RORB: variants seen among roughly 807,000 people sequenced by gnomAD.
The protein encoded by RORB is RAR related orphan receptor B, also known as nuclear receptor ROR-beta.
RORB carries 6 observed loss-of-function variants against 59.1 expected under a neutral mutation model. The observed-to-expected ratio is 0.10, with a 90% CI of 0.06 to 0.20. RORB has a LOEUF of 0.20. Among genes scored for constraint, RORB ranks in the 10% least tolerant of loss-of-function variants. RORB has a pLI of 1.00. For missense variants in RORB, 320 were observed against 560.5 expected (o/e 0.57, Z 4.33); for synonymous variants, 215 against 204.5 (o/e 1.05, Z -0.44).
At chr9:74,578,579 C>T (rs1822672339) in intron 1 of RORB, among the ~76,000 whole-genome samples, 1 of 151,998 alleles carries the variant, frequency 6.6e-6, no homozygotes. Context: ...AAAAAGACGA[C>T]CAAGTGATAC....
rs184680409 is a variant in RORB at position 74,626,805 on chromosome 9, G to A, written c.8-3477G>A. Among the ~76,000 whole-genome samples, 5 of 152,350 alleles carry A rather than the reference G, an allele frequency of 3.3e-5. No homozygotes were observed. The East Asian group carries it at 7.7e-4, about 24-fold the overall frequency. On this transcript the variant is annotated intron_variant, in intron 1 of 9. Coordinates refer to ENST00000376896, the MANE Select transcript of RORB (RefSeq NM_006914.4). Reference sequence around the variant, plus strand: ...ATATTGAGAAATGGCAGGCATTGGAGAAATAATGGGATTTGTTGTTCTAAT... The same window carrying A: ...ATATTGAGAAATGGCAGGCATTGGAAAAATAATGGGATTTGTTGTTCTAAT...
In RORB at chr9:74,540,311, G is replaced by C. The variant is rs79989097; in HGVS notation, c.7+42328G>C. Among the ~76,000 whole-genome samples the C allele has an allele frequency of 9.1e-3, 1,384 of 151,942 alleles. 14 individuals carry two copies. Among genetic ancestry groups the C allele is most frequent in the Admixed American group, 0.016 (241 of 15,252 alleles). On this transcript the variant is annotated intron_variant, in intron 1 of 9. Transcript: ENST00000376896. ...CTTATCACTTGTGTTACTTTCTTTT[G>C]CATCCTTCCACGTCATAGCTGTGTA...
intron 1 of RORB, among the ~76,000 whole-genome samples, chr9:74,517,260 AT>A (rs1563926394): frequency 6.6e-6 from 1 of 152,066 alleles, no homozygotes; most frequent in East Asian, 1.9e-4. Context: ...TCATAATTTC[AT>A]TTTTAAGATT....
intron 9 of RORB, among the ~76,000 whole-genome samples, chr9:74,677,993 A>G (rs1824474146): frequency 6.6e-6 from 1 of 152,248 alleles, no homozygotes; most frequent in Admixed American, 6.5e-5. Context: ...TGCCTCACTG[A>G]CTACAATGAA....
Position 74,689,780 on chromosome 9 carries a change from A to G in RORB, c.*4162A>G, listed in dbSNP as rs1195867230. On this transcript the variant is annotated 3_prime_UTR_variant, in exon 10 of 10. Coordinates refer to ENST00000376896, the MANE Select transcript of RORB (RefSeq NM_006914.4). The stretch of plus-strand genomic sequence containing the variant: ...TGCAATGTGTACGAGGCTTGAAGGC[A>G]AAAACAATTCTTGGGTCCCAAGGAC... 2 of 152,218 alleles carry G rather than the reference A, an allele frequency of 1.3e-5. No homozygotes were observed. Among genetic ancestry groups the G allele is most frequent in the Admixed American group, 1.3e-4 (2 of 15,280 alleles). 9.4% of individuals were successfully genotyped at this position (152,218 alleles called of 1,614,324 possible).
intron 1 of RORB, among the ~76,000 whole-genome samples, chr9:74,558,289 G>T (rs762609528): frequency 6.6e-6 from 1 of 152,090 alleles, no homozygotes; most frequent in Non-Finnish European, 1.5e-5. Flanking sequence ...AGTTGAGCTC[G>T]AGCAGGATGG....
At chr9:74,676,869 C>A (rs997198698) in intron 9 of RORB, among the ~76,000 whole-genome samples, 1 of 152,178 alleles carries the variant, frequency 6.6e-6, no homozygotes, top group Non-Finnish European at 1.5e-5. Flanking sequence ...GGTTATGTCA[C>A]GTTAATGAAA....
intron 3 of RORB, among the ~76,000 whole-genome samples, chr9:74,640,855 A>G (rs1284140231): frequency 6.6e-6 from 1 of 152,222 alleles, no homozygotes; most frequent in South Asian, 2.1e-4. Flanking sequence ...TGGGAAAAGA[A>G]AATGAATTTT....
intron 1 of RORB, among the ~76,000 whole-genome samples, chr9:74,600,179 C>T (rs1182869972): frequency 6.6e-6 from 1 of 152,146 alleles, no homozygotes. Flanking sequence ...CAATAAGCTC[C>T]AGACTTGTAA....
At chr9:74,500,508 T>C (rs564957284) in intron 1 of RORB, among the ~76,000 whole-genome samples, 1 of 152,244 alleles carries the variant, frequency 6.6e-6, no homozygotes, top group African/African-American at 2.4e-5. Context: ...ATTTTTGACC[T>C]GGGCTTTACG....
At chr9:74,655,599 T>C (rs1824065955) in intron 4 of RORB, among the ~76,000 whole-genome samples, 25 of 152,174 alleles carry the variant, frequency 1.6e-4, no homozygotes. Flanking sequence ...TATTACCTTT[T>C]CTACTTTTCC....
chr9:74,533,919 C>T (rs1323369), intron 1 of RORB, among the ~76,000 whole-genome samples: 85,192 of 151,726 alleles, frequency 0.56, 24,270 homozygotes, highest in East Asian at 0.83. Context: ...TAAAGAAGGA[C>T]GCTGTACTGT....
At chr9:74,510,105 A>C (rs1433940166) in intron 1 of RORB, among the ~76,000 whole-genome samples, 1 of 152,228 alleles carries the variant, frequency 6.6e-6, no homozygotes, top group Non-Finnish European at 1.5e-5. Flanking sequence ...ACTATAAAAA[A>C]CATAGCTTGA....
At chr9:74,623,786 T>C (rs150814726) in intron 1 of RORB, among the ~76,000 whole-genome samples, 85 of 152,314 alleles carry the variant, frequency 5.6e-4, no homozygotes, top group African/African-American at 1.8e-3. Flanking sequence ...TCACTCAACC[T>C]GAATAACGTC....
intron 1 of RORB, among the ~76,000 whole-genome samples, chr9:74,518,179 C>A (rs555661325): frequency 6.6e-6 from 1 of 151,946 alleles, no homozygotes; most frequent in South Asian, 2.1e-4. Flanking sequence ...GTCAAGCCAA[C>A]GCTAAGTGAG....
At chr9:74,647,263 A>G (rs1338509120) in intron 4 of RORB, among the ~76,000 whole-genome samples, 2 of 152,194 alleles carry the variant, frequency 1.3e-5, no homozygotes, top group Non-Finnish European at 1.5e-5. Context: ...AGAAAAGGAA[A>G]GTAGAACATC....
intron 1 of RORB, among the ~76,000 whole-genome samples, chr9:74,627,813 A>G (rs567087583): frequency 3.0e-4 from 45 of 152,226 alleles, no homozygotes; most frequent in Non-Finnish European, 5.4e-4. Flanking sequence ...AAAAAACCAT[A>G]GTACAAATGA....
chr9:74,554,957 T>C (rs1377115268), intron 1 of RORB, among the ~76,000 whole-genome samples: 1 of 152,108 alleles, frequency 6.6e-6, no homozygotes, highest in Non-Finnish European at 1.5e-5. Context: ...TGTGTCTGTG[T>C]ACAGAAGAGG....
chr9:74,539,592 C>A (rs757456815), intron 1 of RORB, among the ~76,000 whole-genome samples: 17 of 151,926 alleles, frequency 1.1e-4, no homozygotes, highest in Non-Finnish European at 2.5e-4. Context: ...ACGTTCTTGC[C>A]CTCATAGAGC....
Sources: allele counts gnomAD v4.1 joint callset (sites outside exome capture counted in the v4.1 genomes callset), GRCh38; gene constraint gnomAD v4.1.1; transcripts MANE v1.5; gene names NCBI Gene and HGNC (gene_info 2026-07-23, HGNC 2026-07-21).